The following NBEA variants were observed in gnomAD, a reference collection of about 807,000 sequenced individuals.
The protein encoded by NBEA is lysosomal-trafficking regulator 2.
In NBEA, 44 loss-of-function variants were observed where a neutral mutation model predicts 343.4. The ratio of observed to expected loss-of-function variants is 0.13; its 90% CI spans 0.10 to 0.16. NBEA has a LOEUF of 0.16. Ranked by LOEUF, NBEA falls within the 10% of genes least tolerant of loss-of-function variation. The pLI, the probability that NBEA is intolerant of heterozygous loss-of-function variation, is 1.00. For synonymous variants in NBEA, 1,175 were observed against 1,238.7 expected, an observed-to-expected ratio of 0.95 and a Z score of 1.08; for missense variants, 2,555 against 3,631.3, an observed-to-expected ratio of 0.70 and a Z score of 7.62.
chr13:35,168,928 A>G, intron 24 of NBEA, 59 bp from the exon 25 acceptor site: 1 of 1,185,418 alleles, frequency 8.4e-7, no homozygotes. Flanking sequence ...ATTTAATTTA[A>G]TAATTTCCTT....
At chr13:34,948,290 T>C (rs1321138224) in intron 1 of NBEA, among the ~76,000 whole-genome samples, 1 of 152,098 alleles carries the variant, frequency 6.6e-6, no homozygotes, top group Non-Finnish European at 1.5e-5. Flanking sequence ...GCAAGAATTG[T>C]GGTGATTGGT....
chr13:35,277,546 G>T (rs2034680673), intron 34 of NBEA, among the ~76,000 whole-genome samples: 1 of 144,066 alleles, frequency 6.9e-6, no homozygotes, highest in Admixed American at 7.5e-5. Context: ...ACTTGAACCT[G>T]GTAGGCAGAA....
intron 8 of NBEA, among the ~76,000 whole-genome samples, chr13:35,059,100 C>T (rs2063370384): frequency 6.6e-6 from 1 of 151,580 alleles, no homozygotes; most frequent in Non-Finnish European, 1.5e-5. Flanking sequence ...GTTAACAATT[C>T]TGAAATAATA....
chr13:35,496,470 A>C (rs193003242), intron 41 of NBEA, among the ~76,000 whole-genome samples: 70 of 151,676 alleles, frequency 4.6e-4, no homozygotes, highest in African/African-American at 1.7e-3. Flanking sequence ...TCTTGTCTCT[A>C]AAAAAATGAA....
intron 41 of NBEA, among the ~76,000 whole-genome samples, chr13:35,517,900 A>C (rs1452253878): frequency 6.6e-6 from 1 of 152,238 alleles, no homozygotes; most frequent in Non-Finnish European, 1.5e-5. Flanking sequence ...AATTGAGTTA[A>C]ATAAAATTAT....
chr13:35,259,692 C>T (rs1377418824), intron 34 of NBEA, among the ~76,000 whole-genome samples: 1 of 151,830 alleles, frequency 6.6e-6, no homozygotes, highest in African/African-American at 2.4e-5. Context: ...TTTAGAGATA[C>T]CTATTGGCAT....
intron 1 of NBEA, among the ~76,000 whole-genome samples, chr13:35,037,824 G>A (rs1457385409): frequency 6.6e-6 from 1 of 152,160 alleles, no homozygotes; most frequent in East Asian, 1.9e-4. Flanking sequence ...TCTTGCCCAA[G>A]GCCTGCCTTA....
intron 32 of NBEA, among the ~76,000 whole-genome samples, chr13:35,209,868 G>A (rs1010822122): frequency 6.6e-6 from 1 of 151,922 alleles, no homozygotes; most frequent in Non-Finnish European, 1.5e-5. Flanking sequence ...GTCATTAATG[G>A]CATTGTGTCA....
intron 41 of NBEA, among the ~76,000 whole-genome samples, chr13:35,479,620 TA>T (rs897163019): frequency 5.3e-5 from 8 of 152,152 alleles, no homozygotes; most frequent in Non-Finnish European, 1.0e-4. Context: ...CAGTGAATTT[TA>T]AAAAAATATC....
chr13:35,310,136 T>C (rs1360193112), intron 36 of NBEA, among the ~76,000 whole-genome samples: 1 of 152,138 alleles, frequency 6.6e-6, no homozygotes, highest in Non-Finnish European at 1.5e-5. Flanking sequence ...CAAAAATACA[T>C]TGACATTTAG....
intron 32 of NBEA, among the ~76,000 whole-genome samples, chr13:35,209,246 A>G (rs1463329801): frequency 1.3e-5 from 2 of 152,220 alleles, no homozygotes; most frequent in African/African-American, 2.4e-5. Context: ...ATTTGGGGAC[A>G]TGATTGGTTG....
chr13:35,527,492 C>T (rs2078035444), intron 41 of NBEA, among the ~76,000 whole-genome samples: 1 of 152,186 alleles, frequency 6.6e-6, no homozygotes, highest in African/African-American at 2.4e-5. Flanking sequence ...TGTCGGGTTG[C>T]CTTCAGCTAC....
At chr13:35,319,474 C>A (rs969906223) in intron 36 of NBEA, among the ~76,000 whole-genome samples, 1 of 151,956 alleles carries the variant, frequency 6.6e-6, no homozygotes, top group Admixed American at 6.6e-5. Flanking sequence ...GTTATGATAT[C>A]CATTCTTTTG....
intron 41 of NBEA, among the ~76,000 whole-genome samples, chr13:35,473,092 C>T (rs1341833231): frequency 6.6e-6 from 1 of 152,158 alleles, no homozygotes; most frequent in Admixed American, 6.5e-5. Context: ...TGCTAGCACT[C>T]AGATGTTTAA....
At position 35,583,952 on chromosome 13, in the gene NBEA, A is replaced by G; in HGVS notation, c.7090A>G (p.Thr2364Ala). 6.2e-7 allele frequency: 1 copy of G among 1,613,590 alleles called. No individual in the cohort carries two copies. Among genetic ancestry groups the G allele is most frequent in the Non-Finnish European group, 8.5e-7 (1 of 1,179,626 alleles). ...RAVFYAERYE[T>A]WEDDQSPPYH... is the part of the protein sequence containing the mutation. ...TGTGTTTTATGCAGAGCGTTATGAG[A>G]CATGGGAAGATGATCAAAGCCCACC... The change falls in exon 46 of 59, where the codon ACA (threonine) becomes GCA (alanine). Residue 2364 changes from threonine to alanine, a missense_variant. Coordinates refer to ENST00000379939, the MANE Select transcript of NBEA (RefSeq NM_001385012.1).
At chr13:35,123,453 T>A in intron 16 of NBEA, 29 bp from the exon 17 acceptor site, 1 of 1,332,558 alleles carries the variant, frequency 7.5e-7, no homozygotes, top group Non-Finnish European at 1.0e-6. Flanking sequence ...ATTAGTAAGT[T>A]TTTAAAAGAT....
intron 34 of NBEA, among the ~76,000 whole-genome samples, chr13:35,281,897 A>G (rs928452824): frequency 2.6e-5 from 4 of 151,982 alleles, no homozygotes; most frequent in South Asian, 4.1e-4. Context: ...TATATTTTAT[A>G]GAATATAAAT....
At chr13:35,619,945 G>A (rs572353870) in intron 48 of NBEA, among the ~76,000 whole-genome samples, 5 of 152,204 alleles carry the variant, frequency 3.3e-5, no homozygotes, top group South Asian at 4.2e-4. Flanking sequence ...AAATTCCTTC[G>A]TTCATTCCGT....
chr13:34,987,727 C>G (rs963069475), intron 1 of NBEA, among the ~76,000 whole-genome samples: 2 of 150,974 alleles, frequency 1.3e-5, no homozygotes, highest in African/African-American at 4.8e-5. Flanking sequence ...TCTCTTCTCG[C>G]TTTATTTCAT....
Sources: allele counts gnomAD v4.1 joint callset (sites outside exome capture counted in the v4.1 genomes callset), GRCh38; gene constraint gnomAD v4.1.1; transcripts MANE v1.5; gene names NCBI Gene and HGNC (gene_info 2026-07-23, HGNC 2026-07-21).